Variants in TAF2 observed in about 807,000 individuals in gnomAD.
The protein encoded by TAF2 is transcription initiation factor TFIID subunit 2.
A neutral mutation model predicts 138.5 loss-of-function variants in TAF2; 61 were observed. The observed-to-expected ratio is 0.44, with a 90% confidence interval of 0.36 to 0.54. The LOEUF (loss-of-function observed/expected upper bound fraction) is 0.54. Among genes scored for constraint, TAF2 ranks in the 20% least tolerant of loss-of-function variants. TAF2 has a pLI of 0.00. For missense variants in TAF2, 1,090 were observed against 1,427.9 expected (o/e 0.76, Z 3.81); for synonymous variants, 475 against 469.9 (o/e 1.01, Z -0.14).
intron 18 of TAF2, among the ~76,000 whole-genome samples, chr8:119,769,914 T>C (rs1032150197): frequency 1.3e-5 from 2 of 151,852 alleles, no homozygotes; most frequent in African/African-American, 4.8e-5. Context: ...CGTGCCACCA[T>C]GCCCGGCTAA....
chr8:119,790,680 T>C (rs566268792), intron 11 of TAF2, among the ~76,000 whole-genome samples: 3 of 152,304 alleles, frequency 2.0e-5, no homozygotes, highest in Admixed American at 2.0e-4. Flanking sequence ...AAAATAAACA[T>C]CTTTTTTATT....
At chr8:119,735,132 C>T (rs925844543) in intron 25 of TAF2, among the ~76,000 whole-genome samples, 1 of 152,114 alleles carries the variant, frequency 6.6e-6, no homozygotes, top group African/African-American at 2.4e-5. Context: ...CTCTTAACCA[C>T]GATGCTACAG....
rs1318457501 is a variant in TAF2, at chr8:119,758,071, A to C, written c.2768+2T>G. 1 of 1,612,632 alleles carries C rather than the reference A, an allele frequency of 6.2e-7. No individual in the cohort carries two copies. On this transcript the variant is annotated splice_donor_variant, in intron 21 of 25. Coordinates refer to ENST00000378164, the MANE Select transcript of TAF2 (RefSeq NM_003184.4). LOFTEE classifies it high-confidence loss of function. ...TCATAGCATCATAGCACATAAACTA[A>C]CCTTACATAGGGTACAGGGTCATTC...
intron 25 of TAF2, among the ~76,000 whole-genome samples, chr8:119,732,432 T>TTA (rs1455333621): frequency 1.3e-5 from 2 of 152,180 alleles, no homozygotes; most frequent in South Asian, 2.1e-4. Flanking sequence ...TACCAGTGTG[T>TTA]TACCAAATCA....
rs536641566 is a variant in TAF2 at position 119,753,465 on chromosome 8, C to A, written c.2878+2541G>T. Among the ~76,000 whole-genome samples the A allele has an allele frequency of 2.0e-5, 3 of 152,064 alleles. No homozygotes were observed. In the South Asian group the frequency reaches 6.2e-4, roughly 32 times the overall value. On this transcript the variant is annotated intron_variant, in intron 22 of 25. Coordinates refer to ENST00000378164, the MANE Select transcript of TAF2 (RefSeq NM_003184.4). ...TGTTCTATAAAAACATTTTTTTAAC[C>A]CTCCCAATTATTCATGCCACTCCCA...
At chr8:119,732,225 G>T in intron 25 of TAF2, 39 bp from the exon 26 acceptor site, 1 of 1,591,880 alleles carries the variant, frequency 6.3e-7, no homozygotes, top group South Asian at 1.1e-5. Flanking sequence ...TCCTGCTGAT[G>T]ATACGGAAAG....
chr8:119,796,441 C>G lies in TAF2; in HGVS notation c.1091+549G>C, dbSNP rs147484708. Reference sequence around the variant, plus strand: ...AAAAGAAAAGAAAAAGCATATATACCTTTCATTTCTTTCAACAAACTGGTA... The same window carrying G: ...AAAAGAAAAGAAAAAGCATATATACGTTTCATTTCTTTCAACAAACTGGTA... On this transcript the variant is annotated intron_variant, in intron 8 of 25. Transcript: ENST00000378164. Among the ~76,000 whole-genome samples the G allele has an allele frequency of 3.0e-3, 453 of 152,026 alleles. 3 individuals are homozygous for G. The highest frequency in any genetic ancestry group is 0.01 in the African/African-American group (427 of 41,516).
At chr8:119,819,212 A>G in intron 3 of TAF2, 134 bp downstream of exon 3, 4 of 914,958 alleles carry the variant, frequency 4.4e-6, no homozygotes, top group Non-Finnish European at 6.7e-6. Context: ...ACAGAGTGGT[A>G]AAACAGATAA....
At chr8:119,758,458 C>A (rs1820847239) in intron 20 of TAF2, among the ~76,000 whole-genome samples, 1 of 152,118 alleles carries the variant, frequency 6.6e-6, no homozygotes, top group Admixed American at 6.5e-5. Context: ...AGATGATTAA[C>A]TGGACAAAAT....
chr8:119,795,398 T>C (rs1261042706), intron 9 of TAF2, 134 bp downstream of exon 9: 11 of 816,066 alleles, frequency 1.3e-5, no homozygotes, highest in Non-Finnish European at 2.3e-5. Flanking sequence ...ACCATTAGTC[T>C]TTCTCAGTAA....
chr8:119,759,827 T>C (rs886397232), intron 20 of TAF2, among the ~76,000 whole-genome samples: 10 of 152,148 alleles, frequency 6.6e-5, no homozygotes, highest in Non-Finnish European at 1.2e-4. Context: ...CAGAAAATCT[T>C]GGGTCATAAT....
intron 4 of TAF2, among the ~76,000 whole-genome samples, chr8:119,805,810 C>T (rs1231916197): frequency 6.6e-6 from 1 of 151,990 alleles, no homozygotes; most frequent in African/African-American, 2.4e-5. Flanking sequence ...GCCAGTGATC[C>T]TTAATAAGAA....
chr8:119,771,604 A>G (rs746893957), intron 18 of TAF2, among the ~76,000 whole-genome samples: 23 of 152,318 alleles, frequency 1.5e-4, no homozygotes, highest in Non-Finnish European at 2.6e-4. Context: ...GAAAGAAGCA[A>G]AATGAAAGGC....
At chr8:119,803,600 G>A (rs1217802828) in intron 5 of TAF2, among the ~76,000 whole-genome samples, 1 of 151,682 alleles carries the variant, frequency 6.6e-6, no homozygotes, top group Non-Finnish European at 1.5e-5. Context: ...GCTGAGGCAT[G>A]AGAATCACTT....
intron 18 of TAF2, chr8:119,763,049 G>A (rs1327551653): frequency 6.2e-6 from 1 of 160,164 alleles, no homozygotes; most frequent in African/African-American, 2.4e-5. Flanking sequence ...TCAACATGGA[G>A]CAAGCAAATG....
rs1051334094 is a variant in TAF2 at position 119,764,078 on chromosome 8, G to A, written c.2365-1470C>T. Among the ~76,000 whole-genome samples, 7 of 150,938 alleles carry A rather than the reference G, an allele frequency of 4.6e-5. No homozygotes were observed. In the South Asian group the frequency reaches 1.5e-3, roughly 32 times the overall value. On this transcript the variant is annotated intron_variant, in intron 18 of 25. Transcript: ENST00000378164. ...GCAGAACTGCTTGAATCTGGGAGGT[G>A]GAGGTTGCAGTGAGCCGAGATTGTG...
chr8:119,827,734 ATTT>A (rs58428759), intron 2 of TAF2, among the ~76,000 whole-genome samples: 6,309 of 144,060 alleles, frequency 0.044, 271 homozygotes, highest in South Asian at 0.12. Context: ...CATGGAAGGA[ATTT>A]TTTTTTTTTT....
chr8:119,778,563 C>T (rs1033865050), intron 17 of TAF2, among the ~76,000 whole-genome samples: 1 of 152,154 alleles, frequency 6.6e-6, no homozygotes, highest in African/African-American at 2.4e-5. Context: ...GTGCTAGGTG[C>T]CTTTAGCTCG....
intron 24 of TAF2, among the ~76,000 whole-genome samples, chr8:119,743,387 T>C (rs1358240802): frequency 7.0e-6 from 1 of 142,438 alleles, no homozygotes; most frequent in Non-Finnish European, 1.5e-5. Flanking sequence ...AAAAAGAAAA[T>C]GCAATATAGT....
Sources: allele counts gnomAD v4.1 joint callset (sites outside exome capture counted in the v4.1 genomes callset), GRCh38; gene constraint gnomAD v4.1.1; transcripts MANE v1.5; gene names NCBI Gene and HGNC (gene_info 2026-07-23, HGNC 2026-07-21).